CHCHD6: variants seen among roughly 807,000 people sequenced by gnomAD.
CHCHD6 encodes MICOS complex subunit MIC25.
A neutral mutation model predicts 32.3 loss-of-function variants in CHCHD6; 28 were observed. The observed-to-expected ratio is 0.87, with a 90% CI of 0.64 to 1.19. The LOEUF (loss-of-function observed/expected upper bound fraction) is 1.19. Among genes scored for constraint, CHCHD6 ranks in the 50% most tolerant of loss-of-function variants. The pLI, the probability that CHCHD6 is intolerant of heterozygous loss-of-function variation, is 0.00. For synonymous variants in CHCHD6, 122 were observed against 117.5 expected (o/e 1.04, Z -0.25); for missense variants, 333 against 307.0 (o/e 1.08, Z -0.63).
At chr3:126,826,157 C>T (rs1430660696) in intron 4 of CHCHD6, among the ~76,000 whole-genome samples, 1 of 152,166 alleles carries the variant, frequency 6.6e-6, no homozygotes, top group African/African-American at 2.4e-5. Context: ...CTAAGATATT[C>T]CAGAAGAGGA....
At chr3:126,881,936 C>G (rs1242609916) in intron 5 of CHCHD6, among the ~76,000 whole-genome samples, 1 of 152,152 alleles carries the variant, frequency 6.6e-6, no homozygotes, top group Non-Finnish European at 1.5e-5. Context: ...TTACATAGCA[C>G]CTTCCTCCTA....
chr3:126,751,299 C>T (rs967941723), intron 4 of CHCHD6, among the ~76,000 whole-genome samples: 1 of 151,752 alleles, frequency 6.6e-6, no homozygotes, highest in African/African-American at 2.4e-5. Flanking sequence ...GCCAGAAGTT[C>T]GAGACCAGCC....
chr3:126,704,477 C>A, intron 1 of CHCHD6, 78 bp downstream of exon 1: 2 of 913,798 alleles, frequency 2.2e-6, no homozygotes, highest in Non-Finnish European at 1.5e-6. Context: ...AGCGCAGGGC[C>A]GGGGCTCTTT....
Position 126,927,339 on chromosome 3 carries a change from G to C in CHCHD6, c.566+12589G>C, listed in dbSNP as rs377563275. On this transcript the variant is annotated intron_variant, in intron 6 of 7. Transcript: ENST00000290913. ...GCAAGGGCCCCCTAACTGTCCCAGT[G>C]CCCAAACGAGGGGGCACAGGAAGCT... 2.6e-5 allele frequency among the ~76,000 whole-genome samples: 4 copies of C among 152,316 alleles called. No individual in the cohort carries two copies. In the South Asian group the frequency reaches 8.3e-4, roughly 32 times the overall value.
chr3:126,948,643 T>G (rs1288697258), intron 6 of CHCHD6, among the ~76,000 whole-genome samples: 1 of 152,196 alleles, frequency 6.6e-6, no homozygotes, highest in Admixed American at 6.5e-5. Context: ...CCTTTGCACA[T>G]GTCTAGTTCT....
chr3:126,764,392 C>T (rs1032409334), intron 4 of CHCHD6, among the ~76,000 whole-genome samples: 1 of 152,100 alleles, frequency 6.6e-6, no homozygotes, highest in African/African-American at 2.4e-5. Context: ...CCCAGCTGGG[C>T]AACTGTGTAC....
At position 126,916,670 on chromosome 3, in the gene CHCHD6, A is replaced by C. The variant is rs906128928; in HGVS notation, c.566+1920A>C. Among the ~76,000 whole-genome samples the C allele has an allele frequency of 5.3e-5, 8 of 152,332 alleles. No homozygotes were observed. The East Asian group carries it at 1.4e-3, about 26-fold the overall frequency. ...AGACACCCTGCCCCCACTGGTGGTCAGCTCTCGACCTGTTTCTGAAGGGTT... is the reference window on the plus strand; with the variant it reads ...AGACACCCTGCCCCCACTGGTGGTCCGCTCTCGACCTGTTTCTGAAGGGTT... On this transcript the variant is annotated intron_variant, in intron 6 of 7. Transcript: ENST00000290913.
rs959801507 is a variant in CHCHD6, at chr3:126,957,749, C to G, written c.702+198C>G. 7 of 673,350 alleles carry G rather than the reference C, an allele frequency of 1.0e-5. No individual in the cohort carries two copies. The African/African-American group carries it at 1.2e-4, about 12-fold the overall frequency. 41.7% of individuals were successfully genotyped at this position (673,350 alleles called of 1,614,324 possible). ...ACTCTCCTGGCTGCTTCCAGGAGCGCCTTGGACATCTGGCCCCAGGGAGAT... is the reference window on the plus strand; with the variant it reads ...ACTCTCCTGGCTGCTTCCAGGAGCGGCTTGGACATCTGGCCCCAGGGAGAT... On this transcript the variant is annotated intron_variant, in intron 7 of 7. Coordinates refer to ENST00000290913, the MANE Select transcript of CHCHD6 (RefSeq NM_032343.3).
At chr3:126,755,040 C>T (rs148853593) in intron 4 of CHCHD6, among the ~76,000 whole-genome samples, 4 of 152,092 alleles carry the variant, frequency 2.6e-5, no homozygotes, top group African/African-American at 9.7e-5. Flanking sequence ...CCTCGAGTAC[C>T]TGAAGAACGA....
intron 4 of CHCHD6, among the ~76,000 whole-genome samples, chr3:126,827,641 G>A (rs1940454055): frequency 6.6e-6 from 1 of 152,138 alleles, no homozygotes; most frequent in African/African-American, 2.4e-5. Flanking sequence ...CTTCTGAGAT[G>A]CCACTGTCAT....
At chr3:126,816,843 C>T (rs1188698485) in intron 4 of CHCHD6, among the ~76,000 whole-genome samples, 1 of 152,028 alleles carries the variant, frequency 6.6e-6, no homozygotes, top group East Asian at 1.9e-4. Context: ...GGTATTTCTC[C>T]TAATGCTATC....
At chr3:126,915,969 G>A (rs1319791566) in intron 6 of CHCHD6, among the ~76,000 whole-genome samples, 1 of 8,544 alleles carries the variant, frequency 1.2e-4, no homozygotes, top group East Asian at 3.7e-3. Context: ...TGTATTTTTT[G>A]TAGAGATGGG....
intron 5 of CHCHD6, among the ~76,000 whole-genome samples, chr3:126,853,298 A>C (rs548608382): frequency 6.6e-6 from 1 of 150,446 alleles, no homozygotes; most frequent in East Asian, 2.0e-4. Flanking sequence ...TTGAAAATTC[A>C]TTTGGTAACT....
chr3:126,730,708 T>G, intron 3 of CHCHD6, 78 bp downstream of exon 3: 1 of 1,214,024 alleles, frequency 8.2e-7, no homozygotes, highest in Non-Finnish European at 1.2e-6. Context: ...CCCCTCTCCT[T>G]GCCTGAAGCC....
At chr3:126,728,429 G>A (rs1379524235) in intron 2 of CHCHD6, among the ~76,000 whole-genome samples, 9 of 152,264 alleles carry the variant, frequency 5.9e-5, no homozygotes, top group Admixed American at 4.6e-4. Flanking sequence ...CAGCCTGCTC[G>A]GGGGCCTAGA....
At chr3:126,833,006 A>G (rs751966150) in intron 4 of CHCHD6, among the ~76,000 whole-genome samples, 19 of 152,320 alleles carry the variant, frequency 1.2e-4, no homozygotes, top group Middle Eastern at 3.4e-3. Context: ...ATGCTCCCCA[A>G]GTGGCTAAGA....
At chr3:126,924,963 C>T (rs955332263) in intron 6 of CHCHD6, among the ~76,000 whole-genome samples, 4 of 152,202 alleles carry the variant, frequency 2.6e-5, no homozygotes, top group Non-Finnish European at 4.4e-5. Context: ...TCAGGAGCTG[C>T]TGGCCAGGTT....
At chr3:126,862,086 C>T (rs1941917865) in intron 5 of CHCHD6, among the ~76,000 whole-genome samples, 1 of 71,240 alleles carries the variant, frequency 1.4e-5, no homozygotes, top group African/African-American at 7.0e-5. Context: ...CCACCTCCTC[C>T]TCCTCCACCA....
Position 126,960,272 on chromosome 3 carries a change from G to T in CHCHD6, c.*71G>T. The T allele has an allele frequency of 6.5e-7, 1 of 1,535,822 alleles. No homozygotes were observed. Among genetic ancestry groups the T allele is most frequent in the Non-Finnish European group, 8.8e-7 (1 of 1,134,238 alleles). On this transcript the variant is annotated 3_prime_UTR_variant, in exon 8 of 8. Transcript: ENST00000290913. ...AGAAGGGACCAATCATGGGACCACAGCCACTGTGCCCTGCCGTTTCCTGCT... is the reference window on the plus strand; with the variant it reads ...AGAAGGGACCAATCATGGGACCACATCCACTGTGCCCTGCCGTTTCCTGCT...
Sources: gnomAD v4.1 joint callset for allele counts (sites outside exome capture counted in the v4.1 genomes callset) on GRCh38, gnomAD v4.1.1 for gene constraint, MANE v1.5 for transcripts, NCBI Gene and HGNC (gene_info 2026-07-23, HGNC 2026-07-21) for gene names.